CCDC68: variants seen among roughly 807,000 people sequenced by gnomAD.
CCDC68 encodes coiled-coil domain-containing protein 68.
A neutral mutation model predicts 47.1 loss-of-function variants in CCDC68; 45 were observed. The observed-to-expected ratio is 0.96, with a 90% CI of 0.75 to 1.23. The LOEUF (loss-of-function observed/expected upper bound fraction) is 1.23, where lower values mean the gene tolerates loss of function less well. Ranked by LOEUF, CCDC68 falls within the 50% of genes most tolerant of loss-of-function variation. The pLI, the probability that CCDC68 is intolerant of heterozygous loss-of-function variation, is 0.00. For missense variants in CCDC68, 353 were observed against 373.6 expected (o/e 0.94, Z 0.45); for synonymous variants, 131 against 129.5 (o/e 1.01, Z -0.08).
intron 8 of CCDC68, among the ~76,000 whole-genome samples, chr18:54,924,715 G>A (rs1237454914): frequency 6.6e-6 from 1 of 152,150 alleles, no homozygotes; most frequent in Non-Finnish European, 1.5e-5. Flanking sequence ...TTGACAGGAA[G>A]CCCACCCTCA....
At chr18:54,920,286 T>C (rs1168094478) in intron 8 of CCDC68, among the ~76,000 whole-genome samples, 3 of 150,266 alleles carry the variant, frequency 2.0e-5, no homozygotes, top group Non-Finnish European at 4.4e-5. Flanking sequence ...TCAGACGGAG[T>C]CTTACTCTGT....
At chr18:54,956,951 T>C (rs2044721725) in intron 1 of CCDC68, among the ~76,000 whole-genome samples, 1 of 152,160 alleles carries the variant, frequency 6.6e-6, no homozygotes, top group Non-Finnish European at 1.5e-5. Flanking sequence ...GAAGGAAAAG[T>C]AAGAATAACT....
chr18:54,926,131 A>G (rs1301622692), intron 8 of CCDC68, among the ~76,000 whole-genome samples: 2 of 152,164 alleles, frequency 1.3e-5, no homozygotes, highest in Non-Finnish European at 2.9e-5. Flanking sequence ...AGCAGCATCT[A>G]TGTAAATACA....
intron 1 of CCDC68, among the ~76,000 whole-genome samples, chr18:54,953,196 G>A (rs369641788): frequency 6.6e-6 from 1 of 152,092 alleles, no homozygotes; most frequent in South Asian, 2.1e-4. Context: ...GGCAGTGGGG[G>A]ACAGGTTAAC....
intron 8 of CCDC68, 133 bp from the exon 9 acceptor site, chr18:54,919,509 T>G (rs2044017039): frequency 1.5e-6 from 1 of 679,318 alleles, no homozygotes; most frequent in African/African-American, 1.7e-5. Flanking sequence ...GGGGCCCCAT[T>G]ATGCCACATA....
Position 54,928,932 on chromosome 18 carries a change from G to T in CCDC68, c.601-50C>A, listed in dbSNP as rs367667490. On this transcript the variant is annotated intron_variant, in intron 7 of 11. Coordinates refer to ENST00000591504, the MANE Select transcript of CCDC68 (RefSeq NM_025214.3). ...TTGCTAAACTGCATGTGTATGTTTGGTAAGGCCTTCCTCTTGTCATACTAT... is the reference window on the plus strand; with the variant it reads ...TTGCTAAACTGCATGTGTATGTTTGTTAAGGCCTTCCTCTTGTCATACTAT... 4.1e-6 allele frequency: 4 copies of T among 984,936 alleles called. No homozygotes were observed. In the African/African-American group the frequency reaches 4.8e-5, roughly 12 times the overall value. 61.0% of individuals were successfully genotyped at this position (984,936 alleles called of 1,614,324 possible). A position where few individuals can be genotyped will look rare whatever the true frequency, so the allele number is the denominator to read the frequency against.
intron 1 of CCDC68, among the ~76,000 whole-genome samples, chr18:54,949,737 C>A (rs1004217577): frequency 2.0e-5 from 3 of 152,188 alleles, no homozygotes; most frequent in African/African-American, 4.8e-5. Flanking sequence ...CATGCTCACT[C>A]CCTGGAGCTG....
intron 1 of CCDC68, among the ~76,000 whole-genome samples, chr18:54,958,798 T>C (rs1338084644): frequency 6.6e-6 from 1 of 152,164 alleles, no homozygotes; most frequent in African/African-American, 2.4e-5. Flanking sequence ...CTACTCAACA[T>C]TAAGGAAAAG....
rs1212446722 is a variant in CCDC68 at position 54,943,993 on chromosome 18, T to C, written c.-12-1190A>G. On this transcript the variant is annotated intron_variant, in intron 2 of 11. Transcript: ENST00000591504. ...CAACATGGTGGAACCCCGTCTCTAC[T>C]AAAAATATAAAAATTAGCTGGGCAT... Among the ~76,000 whole-genome samples the C allele has an allele frequency of 3.3e-5, 5 of 152,010 alleles. 1 individual carries two copies. The highest frequency in any genetic ancestry group is 7.4e-5 in the Non-Finnish European group (5 of 68,004).
chr18:54,928,705 T>C (rs2044189043), intron 8 of CCDC68, 95 bp downstream of exon 8: 1 of 754,364 alleles, frequency 1.3e-6, no homozygotes, highest in East Asian at 2.5e-5. Context: ...TCCTATTTCT[T>C]TGGGGGACAG....
intron 8 of CCDC68, among the ~76,000 whole-genome samples, chr18:54,923,004 A>G (rs1432686846): frequency 6.6e-6 from 1 of 151,100 alleles, no homozygotes; most frequent in Non-Finnish European, 1.5e-5. Flanking sequence ...AAAAAAAAAA[A>G]AAAAAAAAAG....
intron 2 of CCDC68, among the ~76,000 whole-genome samples, chr18:54,944,943 G>A (rs1272567374): frequency 1.3e-5 from 2 of 152,108 alleles, no homozygotes; most frequent in Non-Finnish European, 2.9e-5. Flanking sequence ...TTTGGATTTT[G>A]ATTCAAAAAA....
intron 8 of CCDC68, among the ~76,000 whole-genome samples, chr18:54,922,188 T>C (rs576464000): frequency 6.6e-6 from 1 of 152,262 alleles, no homozygotes; most frequent in African/African-American, 2.4e-5. Context: ...GTCCCTAGAC[T>C]TGAGGTTCAG....
intron 4 of CCDC68, among the ~76,000 whole-genome samples, chr18:54,940,242 T>C (rs1256509531): frequency 6.6e-6 from 1 of 152,228 alleles, no homozygotes; most frequent in African/African-American, 2.4e-5. Flanking sequence ...CAGAATCAGA[T>C]GTCCAGCTGC....
At chr18:54,907,704 G>A (rs1914092784) in intron 11 of CCDC68, 82 bp downstream of exon 11, 4 of 778,646 alleles carry the variant, frequency 5.1e-6, no homozygotes, top group East Asian at 2.5e-5. Context: ...GTGACAGACT[G>A]GAATCTTTCT....
chr18:54,936,233 T>A (rs2044343352), intron 6 of CCDC68, among the ~76,000 whole-genome samples: 2 of 144,016 alleles, frequency 1.4e-5, no homozygotes, highest in South Asian at 2.1e-4. Context: ...TATATATTTT[T>A]AAAAAATATA....
intron 4 of CCDC68, among the ~76,000 whole-genome samples, chr18:54,940,501 C>A (rs988922841): frequency 6.6e-6 from 1 of 152,186 alleles, no homozygotes; most frequent in African/African-American, 2.4e-5. Flanking sequence ...TGATTAAGTA[C>A]ACTTGGCTCA....
intron 1 of CCDC68, among the ~76,000 whole-genome samples, chr18:54,956,773 A>C (rs1160528490): frequency 6.6e-6 from 1 of 152,224 alleles, no homozygotes; most frequent in Non-Finnish European, 1.5e-5. Flanking sequence ...GAGTGATTGC[A>C]AACAGGCCCC....
chr18:54,950,763 CTG>C (rs1167743405), intron 1 of CCDC68, among the ~76,000 whole-genome samples: 8 of 99,872 alleles, frequency 8.0e-5, no homozygotes, highest in African/African-American at 2.7e-4. Context: ...CATTACTTCA[CTG>C]TGTTATTGTT....
Sources: gnomAD v4.1 joint callset for allele counts (sites outside exome capture counted in the v4.1 genomes callset) on GRCh38, gnomAD v4.1.1 for gene constraint, MANE v1.5 for transcripts, NCBI Gene and HGNC (gene_info 2026-07-23, HGNC 2026-07-21) for gene names.